Variants in C16orf96 observed in about 807,000 individuals in gnomAD.
C16orf96 encodes the protein uncharacterized protein C16orf96.
C16orf96 carries 108 observed loss-of-function variants against 103.6 expected under a neutral mutation model. That is an observed-to-expected ratio of 1.04 (90% CI 0.89 to 1.22). The LOEUF (loss-of-function observed/expected upper bound fraction) is 1.22. Ranked by LOEUF, C16orf96 falls within the 50% of genes most tolerant of loss-of-function variation. C16orf96 has a pLI of 0.00. For synonymous variants in C16orf96, 566 were observed against 593.5 expected, an observed-to-expected ratio of 0.95 and a Z score of 0.67; for missense variants, 1,586 against 1,464.2, an observed-to-expected ratio of 1.08 and a Z score of -1.36.
rs150210436 is a variant in C16orf96, at chr16:4,559,637, C to T, written c.420+2728C>T. Among the ~76,000 whole-genome samples, 1,241 of 152,234 alleles carry T rather than the reference C, an allele frequency of 8.2e-3. 17 individuals carry two copies. Among genetic ancestry groups the T allele is most frequent in the African/African-American group, 0.028 (1,177 of 41,544 alleles). On this transcript the variant is annotated intron_variant, in intron 1 of 15. Coordinates refer to ENST00000444310, the MANE Select transcript of C16orf96 (RefSeq NM_001145011.2). The stretch of plus-strand genomic sequence containing the variant: ...ACCATTTAAAAGTGGACATTAAACA[C>T]TGAATTAATGAAAATTCGGTGGCAC...
At chr16:4,563,591 C>T (rs1232182866) in intron 1 of C16orf96, among the ~76,000 whole-genome samples, 6 of 151,400 alleles carry the variant, frequency 4.0e-5, no homozygotes, top group African/African-American at 1.2e-4. Context: ...TGTTTTGAGA[C>T]GGAGTCTCGC....
chr16:4,587,224 A>T lies in C16orf96; in HGVS notation c.2427+111A>T, dbSNP rs189581682. On this transcript the variant is annotated intron_variant, in intron 8 of 15. Transcript: ENST00000444310. The stretch of plus-strand genomic sequence containing the variant: ...CCAGAATTTCCCTCCCCCTTTGTTC[A>T]TATTGAAACCAGGAGTTGGCTGGGC... The T allele has an allele frequency of 2.3e-4, 248 of 1,073,812 alleles. 1 individual carries two copies. The African/African-American group carries it at 3.4e-3, about 15-fold the overall frequency. The allele number at this position is 1,073,812 out of a possible 1,614,324, so 66.5% of individuals were successfully genotyped here.
chr16:4,546,457 C>CCTTT, the C16orf96 span, among the ~76,000 whole-genome samples: 1 of 104,552 alleles, frequency 9.6e-6, no homozygotes, highest in Non-Finnish European at 1.8e-5. Context: ...CGCGCCCGGA[C>CCTTT]TTTTTTTTTT....
chr16:4,557,167 A>G (rs1338850162), intron 1 of C16orf96, among the ~76,000 whole-genome samples: 4 of 152,102 alleles, frequency 2.6e-5, no homozygotes, highest in Admixed American at 2.6e-4. Context: ...ATGGGGTTTC[A>G]CTATGTTGGC....
upstream of C16orf96, among the ~76,000 whole-genome samples, chr16:4,555,983 A>C (rs2059259188): frequency 6.6e-6 from 1 of 152,060 alleles, no homozygotes; most frequent in African/African-American, 2.4e-5. Flanking sequence ...TACAGGCCTG[A>C]ACCCCCACAC....
the C16orf96 span, among the ~76,000 whole-genome samples, chr16:4,549,860 A>G: frequency 0.96 from 146,818 of 152,180 alleles, 71,039 homozygotes; most frequent in East Asian, 1. Context: ...CAACATGCCG[A>G]CTCCCCTTCG....
In C16orf96 at chr16:4,600,548, C is replaced by A. The variant is rs1270540454; in HGVS notation, c.*231C>A. On this transcript the variant is annotated 3_prime_UTR_variant, in exon 16 of 16. Coordinates refer to ENST00000444310, the MANE Select transcript of C16orf96 (RefSeq NM_001145011.2). ...CCGAGGCTGAGACCCATATGCCCCC[C>A]CCACCCCCACCAAGTCCCGTCCCCG... 1 of 476,672 alleles carries A rather than the reference C, an allele frequency of 2.1e-6. No homozygotes were observed. The highest frequency in any genetic ancestry group is 3.4e-5 in the Admixed American group (1 of 29,418). 29.5% of individuals were successfully genotyped at this position (476,672 alleles called of 1,614,324 possible). A position where few individuals can be genotyped will look rare whatever the true frequency, so the allele number is the denominator to read the frequency against.
intron 1 of C16orf96, chr16:4,562,888 T>C (rs1205156424): frequency 9.2e-6 from 13 of 1,405,772 alleles, no homozygotes; most frequent in Non-Finnish European, 1.3e-5. Flanking sequence ...TTTAAAGAAA[T>C]ACCTTTTCTT....
At chr16:4,555,647 A>G (rs552310014), upstream of C16orf96, among the ~76,000 whole-genome samples, 12 of 149,528 alleles carry the variant, frequency 8.0e-5, no homozygotes, top group African/African-American at 3.0e-4. Flanking sequence ...CTGGGATTAC[A>G]TATGTCAGCC....
chr16:4,554,973 G>C (rs2059249196), upstream of C16orf96, among the ~76,000 whole-genome samples: 1 of 151,716 alleles, frequency 6.6e-6, no homozygotes, highest in African/African-American at 2.4e-5. Flanking sequence ...CCAGAAAATG[G>C]AACACTTGGC....
rs1171056719 is a variant in C16orf96, at chr16:4,576,255, C to G, written c.1775C>G (p.Ala592Gly). 1.9e-6 allele frequency: 3 copies of G among 1,550,830 alleles called. No individual in the cohort carries two copies. Among genetic ancestry groups the G allele is most frequent in the Non-Finnish European group, 2.6e-6 (3 of 1,147,004 alleles). ...TCCGCTGCCCAGGCAGCCAAAGTTG[C>G]TGCCAAGTTTGTCAAGGATGCCCCA... ...TSSAAQAAKV[A>G]AKFVKDAPAT... The change falls in exon 5 of 16, where the codon GCT becomes GGT. Residue 592 changes from alanine to glycine, a missense_variant. Transcript: ENST00000444310.
chr16:4,598,308 G>T (rs993417390), intron 14 of C16orf96, among the ~76,000 whole-genome samples: 2 of 151,964 alleles, frequency 1.3e-5, no homozygotes, highest in African/African-American at 2.4e-5. Context: ...CCATGATTGC[G>T]CCACTGCACT....
intron 14 of C16orf96, among the ~76,000 whole-genome samples, chr16:4,596,683 A>AAAAAAAAC (rs1555440863): frequency 6.6e-6 from 1 of 150,720 alleles, no homozygotes. Context: ...CCCTGTCTCA[A>AAAAAAAAC]AAACAAACAA....
chr16:4,562,786 A>G (rs551315494), intron 1 of C16orf96: 2 of 1,121,418 alleles, frequency 1.8e-6, no homozygotes, highest in East Asian at 4.8e-5. Flanking sequence ...AGAACAGTAC[A>G]GGTTTTATTT....
intron 10 of C16orf96, 89 bp downstream of exon 10, chr16:4,591,873 C>T: frequency 1.9e-6 from 2 of 1,067,972 alleles, no homozygotes; most frequent in South Asian, 1.4e-5. Flanking sequence ...GGAAAGATTC[C>T]AGACCTTTGG....
At chr16:4,598,074 A>G (rs1168389469) in intron 14 of C16orf96, among the ~76,000 whole-genome samples, 1 of 151,952 alleles carries the variant, frequency 6.6e-6, no homozygotes, top group Non-Finnish European at 1.5e-5. Flanking sequence ...ACTCAAAGCC[A>G]GGTATAGTGG....
intron 1 of C16orf96, among the ~76,000 whole-genome samples, chr16:4,567,266 G>A (rs566454930): frequency 6.8e-6 from 1 of 146,388 alleles, no homozygotes; most frequent in South Asian, 2.2e-4. Flanking sequence ...TTTCTTCTTT[G>A]ACATATTTCT....
Position 4,576,523 on chromosome 16 carries a change from G to C in C16orf96, c.2043G>C (p.Arg681Ser). 1 of 1,551,570 alleles carries C rather than the reference G, an allele frequency of 6.4e-7. No individual in the cohort carries two copies. Among genetic ancestry groups the C allele is most frequent in the Non-Finnish European group, 8.7e-7 (1 of 1,147,014 alleles). ...CCATGAGCCCTGAAGACAAGAAGAG[G>C]GCTGTCAAGTATTCCATGAGCCACA... The part of the protein sequence containing the change: ...KQAMSPEDKK[R>S]AVKYSMSHIA... The change falls in exon 5 of 16, where the codon AGG (arginine) becomes AGC (serine). Residue 681 changes from arginine (R) to serine (S), a missense_variant. Coordinates refer to ENST00000444310, the MANE Select transcript of C16orf96 (RefSeq NM_001145011.2).
intron 14 of C16orf96, among the ~76,000 whole-genome samples, chr16:4,596,361 G>A (rs149615023): frequency 5.1e-3 from 777 of 151,924 alleles, no homozygotes; most frequent in Middle Eastern, 0.014. Context: ...GACACACGCC[G>A]TTAATCCCAG....
Sources: gnomAD v4.1 joint callset for allele counts (sites outside exome capture counted in the v4.1 genomes callset) on GRCh38, gnomAD v4.1.1 for gene constraint, MANE v1.5 for transcripts, NCBI Gene and HGNC (gene_info 2026-07-23, HGNC 2026-07-21) for gene names.